RCAN2: variants seen among roughly 807,000 people sequenced by gnomAD.
RCAN2 encodes regulator of calcineurin 2.
RCAN2 carries 9 observed loss-of-function variants against 23.6 expected under a neutral mutation model. The observed-to-expected ratio is 0.38, with a 90% CI of 0.23 to 0.67. The LOEUF (loss-of-function observed/expected upper bound fraction) is 0.67, where lower values mean the gene tolerates loss of function less well. Among genes scored for constraint, RCAN2 ranks in the 30% least tolerant of loss-of-function variants. The pLI is 0.51. For synonymous variants in RCAN2, 109 were observed against 115.7 expected, an observed-to-expected ratio of 0.94 and a Z score of 0.37; for missense variants, 273 against 302.3, an observed-to-expected ratio of 0.90 and a Z score of 0.72.
intron 2 of RCAN2, among the ~76,000 whole-genome samples, chr6:46,288,245 T>C (rs1762433566): frequency 6.6e-6 from 1 of 152,188 alleles, no homozygotes; most frequent in Non-Finnish European, 1.5e-5. Flanking sequence ...CAACTAAAAT[T>C]AAACCATTAA....
intron 2 of RCAN2, among the ~76,000 whole-genome samples, chr6:46,329,248 T>C (rs1763886810): frequency 6.6e-6 from 1 of 152,206 alleles, no homozygotes; most frequent in Non-Finnish European, 1.5e-5. Context: ...ATCACATCTC[T>C]TTGGAAAAGT....
intron 2 of RCAN2, among the ~76,000 whole-genome samples, chr6:46,352,717 C>G (rs923123277): frequency 2.6e-5 from 4 of 152,086 alleles, no homozygotes; most frequent in African/African-American, 4.8e-5. Context: ...AGGCCAGAAA[C>G]AGGAAGTTGT....
At position 46,221,583 on chromosome 6, in the gene RCAN2, T is replaced by C; in HGVS notation, c.*1558A>G. The stretch of plus-strand genomic sequence containing the variant: ...CACCAGTACTGTGTCCAGTACTATA[T>C]TGCTATATTCACAGTAAAACGGACT... On this transcript the variant is annotated 3_prime_UTR_variant, in exon 5 of 5. Coordinates refer to ENST00000371374, the MANE Select transcript of RCAN2 (RefSeq NM_001251974.2). The C allele has an allele frequency of 4.8e-6, 1 of 208,232 alleles. No individual in the cohort carries two copies. Among genetic ancestry groups the C allele is most frequent in the Non-Finnish European group, 9.5e-6 (1 of 105,272 alleles). The allele number at this position is 208,232 out of a possible 1,614,324, so 12.9% of individuals were successfully genotyped here. A position where few individuals can be genotyped will look rare whatever the true frequency, so the allele number is the denominator to read the frequency against.
chr6:46,418,709 A>G (rs1417932504), intron 2 of RCAN2, among the ~76,000 whole-genome samples: 2 of 103,338 alleles, frequency 1.9e-5, no homozygotes, highest in Non-Finnish European at 3.9e-5. Context: ...ATATATATAT[A>G]TATATATATA....
chr6:46,430,028 T>A (rs1767144856), intron 2 of RCAN2, among the ~76,000 whole-genome samples: 1 of 152,188 alleles, frequency 6.6e-6, no homozygotes, highest in Non-Finnish European at 1.5e-5. Context: ...AGGCTAAGAA[T>A]ACTGACCTTC....
chr6:46,236,749 C>T (rs1157814545), intron 4 of RCAN2, among the ~76,000 whole-genome samples: 3 of 152,136 alleles, frequency 2.0e-5, no homozygotes, highest in African/African-American at 7.2e-5. Context: ...AGTGGAAAAC[C>T]ATTTAAAGGC....
At chr6:46,298,011 C>T (rs1762774536) in intron 2 of RCAN2, among the ~76,000 whole-genome samples, 2 of 152,038 alleles carry the variant, frequency 1.3e-5, no homozygotes, top group African/African-American at 2.4e-5. Flanking sequence ...AAATATCAAA[C>T]TAGTTTGAAA....
intron 2 of RCAN2, among the ~76,000 whole-genome samples, chr6:46,271,847 C>T (rs1280139982): frequency 1.3e-5 from 2 of 152,102 alleles, no homozygotes; most frequent in East Asian, 3.9e-4. Context: ...GTATTTTGTA[C>T]ACCAGTCTCT....
At chr6:46,311,023 C>A (rs1561853233) in intron 2 of RCAN2, among the ~76,000 whole-genome samples, 1 of 152,104 alleles carries the variant, frequency 6.6e-6, no homozygotes, top group African/African-American at 2.4e-5. Flanking sequence ...TATTGAGTAC[C>A]TACATGCTTT....
At chr6:46,252,727 A>T (rs1266249302) in intron 2 of RCAN2, among the ~76,000 whole-genome samples, 1 of 152,214 alleles carries the variant, frequency 6.6e-6, no homozygotes, top group Non-Finnish European at 1.5e-5. Context: ...TTGCAAACCT[A>T]TTTAATTTCC....
At chr6:46,434,324 G>T (rs914519564) in intron 2 of RCAN2, among the ~76,000 whole-genome samples, 1 of 152,158 alleles carries the variant, frequency 6.6e-6, no homozygotes, top group South Asian at 2.1e-4. Flanking sequence ...CCTGAGAGTG[G>T]GTGCAGTAAT....
At chr6:46,226,488 A>G (rs1765669937) in intron 4 of RCAN2, among the ~76,000 whole-genome samples, 1 of 152,178 alleles carries the variant, frequency 6.6e-6, no homozygotes, top group Admixed American at 6.5e-5. Flanking sequence ...TTCTTCTTGA[A>G]GAGGTCCTTC....
chr6:46,345,465 G>A (rs548229845), intron 2 of RCAN2, among the ~76,000 whole-genome samples: 1 of 152,196 alleles, frequency 6.6e-6, no homozygotes, highest in African/African-American at 2.4e-5. Context: ...GTACACAGGT[G>A]TATACAGAAC....
intron 2 of RCAN2, among the ~76,000 whole-genome samples, chr6:46,293,204 T>C (rs1012548123): frequency 2.0e-5 from 3 of 152,240 alleles, no homozygotes; most frequent in Non-Finnish European, 2.9e-5. Flanking sequence ...TGTGTCTTTA[T>C]AGTAGAATGA....
chr6:46,242,329 A>G (rs1582021228), intron 4 of RCAN2, among the ~76,000 whole-genome samples: 1 of 152,140 alleles, frequency 6.6e-6, no homozygotes, highest in African/African-American at 2.4e-5. Context: ...TGAGGCCTGG[A>G]TCCCCACTGT....
intron 2 of RCAN2, among the ~76,000 whole-genome samples, chr6:46,349,603 A>G (rs925126568): frequency 6.6e-6 from 1 of 151,980 alleles, no homozygotes; most frequent in African/African-American, 2.4e-5. Flanking sequence ...ATCTGCCCTC[A>G]GGGAAAGGCA....
At chr6:46,256,962 C>T (rs1203438677) in intron 2 of RCAN2, among the ~76,000 whole-genome samples, 1 of 152,104 alleles carries the variant, frequency 6.6e-6, no homozygotes, top group East Asian at 1.9e-4. Flanking sequence ...TTCACAGGGT[C>T]TATGGAATAA....
At chr6:46,454,857 C>G (rs1158179287) in intron 2 of RCAN2, among the ~76,000 whole-genome samples, 1 of 152,204 alleles carries the variant, frequency 6.6e-6, no homozygotes, top group East Asian at 1.9e-4. Context: ...GAACTCCCCC[C>G]TCCAGCCCCT....
chr6:46,259,306 C>A (rs984451904), intron 2 of RCAN2, among the ~76,000 whole-genome samples: 2 of 152,040 alleles, frequency 1.3e-5, no homozygotes, highest in Non-Finnish European at 2.9e-5. Flanking sequence ...AAATATATAA[C>A]CACATGAATA....
Sources: allele counts gnomAD v4.1 joint callset (sites outside exome capture counted in the v4.1 genomes callset), GRCh38; gene constraint gnomAD v4.1.1; transcripts MANE v1.5; gene names NCBI Gene and HGNC (gene_info 2026-07-23, HGNC 2026-07-21).